The following JAKMIP2 variants were observed in gnomAD, a reference collection of about 807,000 sequenced individuals.
The protein encoded by JAKMIP2 is janus kinase and microtubule-interacting protein 2.
JAKMIP2 carries 25 observed loss-of-function variants against 115.0 expected under a neutral mutation model. That is an observed-to-expected ratio of 0.22 (90% confidence interval 0.16 to 0.30). The LOEUF (loss-of-function observed/expected upper bound fraction) is 0.30. Ranked by LOEUF, JAKMIP2 falls within the 10% of genes least tolerant of loss-of-function variation. The pLI is 1.00. For synonymous variants in JAKMIP2, 334 were observed against 343.6 expected (o/e 0.97, Z 0.31); for missense variants, 642 against 957.6 (o/e 0.67, Z 4.35).
chr5:147,588,371 C>T lies in JAKMIP2; in HGVS notation c.*3336G>A, dbSNP rs1754960181. 6.7e-6 allele frequency: 1 copy of T among 150,342 alleles called. No homozygotes were observed. Among genetic ancestry groups the T allele is most frequent in the African/African-American group, 2.4e-5 (1 of 40,824 alleles). 9.3% of individuals were successfully genotyped at this position (150,342 alleles called of 1,614,324 possible). A position where few individuals can be genotyped will look rare whatever the true frequency, so the allele number is the denominator to read the frequency against. The stretch of plus-strand genomic sequence containing the variant: ...CAAATGCATCTCGGTAGTACAGATG[C>T]AGAAGTGGGGCCACAGGAAATCTCA... On this transcript the variant is annotated 3_prime_UTR_variant, in exon 22 of 22. Coordinates refer to ENST00000616793, the MANE Select transcript of JAKMIP2 (RefSeq NM_001270941.2).
chr5:147,702,219 G>A (rs142259299), intron 1 of JAKMIP2, among the ~76,000 whole-genome samples: 14 of 151,280 alleles, frequency 9.3e-5, no homozygotes, highest in African/African-American at 3.4e-4. Context: ...GCTAACACAA[G>A]GGAAGAACCA....
rs1561547133 is a variant in JAKMIP2 at position 147,702,559 on chromosome 5, A to AGAAAGAAAGAAAGAAG, written c.-148-30606_-148-30605insCTTCTTTCTTTCTTTC. On this transcript the variant is annotated intron_variant, in intron 1 of 21. Transcript: ENST00000616793. ...AGAGAGAGAGACAAAGAAAGAAGAA[A>AGAAAGAAAGAAAGAAG]GAAAGAAAGAAAGAAAGAAGGAAAG... Among the ~76,000 whole-genome samples the AGAAAGAAAGAAAGAAG allele has an allele frequency of 8.1e-4, 97 of 119,048 alleles. 7 individuals carry two copies. Among genetic ancestry groups the AGAAAGAAAGAAAGAAG allele is most frequent in the African/African-American group, 2.8e-3 (86 of 30,546 alleles). 78.1% of individuals were successfully genotyped at this position (119,048 alleles called of 152,430 possible).
At chr5:147,593,538 C>A (rs1363012760) in intron 21 of JAKMIP2, among the ~76,000 whole-genome samples, 2 of 152,196 alleles carry the variant, frequency 1.3e-5, no homozygotes, top group Non-Finnish European at 2.9e-5. Context: ...AGACCCTGAA[C>A]TACAGCTCCA....
intron 1 of JAKMIP2, among the ~76,000 whole-genome samples, chr5:147,746,740 T>C (rs1754359608): frequency 6.6e-6 from 1 of 152,172 alleles, no homozygotes; most frequent in South Asian, 2.1e-4. Context: ...TTTCTAAAAA[T>C]GGTTATTACT....
At chr5:147,692,095 C>T (rs1279608066) in intron 1 of JAKMIP2, among the ~76,000 whole-genome samples, 1 of 151,976 alleles carries the variant, frequency 6.6e-6, no homozygotes, top group African/African-American at 2.4e-5. Flanking sequence ...GGAATGTCAC[C>T]TTACTTGGAA....
intron 12 of JAKMIP2, among the ~76,000 whole-genome samples, chr5:147,633,513 G>T (rs1757465647): frequency 6.6e-6 from 1 of 152,048 alleles, no homozygotes; most frequent in Non-Finnish European, 1.5e-5. Flanking sequence ...ACTTAAATAA[G>T]CTCTAATGTC....
intron 20 of JAKMIP2, among the ~76,000 whole-genome samples, chr5:147,603,540 T>C (rs969315583): frequency 5.3e-5 from 8 of 152,200 alleles, no homozygotes; most frequent in African/African-American, 1.9e-4. Flanking sequence ...ACAGGATCTT[T>C]AGCCTTTTTA....
chr5:147,720,714 A>G (rs1242130489), intron 1 of JAKMIP2, among the ~76,000 whole-genome samples: 2 of 149,596 alleles, frequency 1.3e-5, no homozygotes, highest in African/African-American at 2.4e-5. Context: ...TCCTTTAAGC[A>G]CTTCTCTGTA....
chr5:147,699,218 T>C (rs2126880193), intron 1 of JAKMIP2, among the ~76,000 whole-genome samples: 1 of 152,308 alleles, frequency 6.6e-6, no homozygotes, highest in East Asian at 1.9e-4. Flanking sequence ...AGTTCTGATT[T>C]GGTAGGTTGA....
At chr5:147,685,924 C>A (rs910852572) in intron 1 of JAKMIP2, among the ~76,000 whole-genome samples, 1 of 151,970 alleles carries the variant, frequency 6.6e-6, no homozygotes, top group Non-Finnish European at 1.5e-5. Context: ...TCTGGCATAG[C>A]GCAGGGTGGC....
Position 147,645,803 on chromosome 5 carries a change from A to C in JAKMIP2, c.937-807T>G, listed in dbSNP as rs1025781050. ...GGCTAGATGCCAGTAACACTCTGCT[A>C]ATTGCGACCATCAAAAACATCAGAT... On this transcript the variant is annotated intron_variant, in intron 5 of 21. Coordinates refer to ENST00000616793, the MANE Select transcript of JAKMIP2 (RefSeq NM_001270941.2). 2.0e-5 allele frequency among the ~76,000 whole-genome samples: 3 copies of C among 152,132 alleles called. No individual in the cohort carries two copies. The South Asian group carries it at 6.2e-4, about 32-fold the overall frequency.
chr5:147,673,045 G>C (rs1168359369), intron 1 of JAKMIP2, among the ~76,000 whole-genome samples: 5 of 152,172 alleles, frequency 3.3e-5, no homozygotes, highest in Admixed American at 6.5e-5. Flanking sequence ...CAGTACTTTG[G>C]TGTGGTTATT....
At chr5:147,640,130 G>A (rs970100167) in intron 9 of JAKMIP2, among the ~76,000 whole-genome samples, 1 of 150,900 alleles carries the variant, frequency 6.6e-6, no homozygotes, top group Non-Finnish European at 1.5e-5. Context: ...TTTCTTTTCA[G>A]TATGTTCATC....
intron 3 of JAKMIP2, among the ~76,000 whole-genome samples, chr5:147,651,460 C>A (rs1561515108): frequency 1.3e-5 from 2 of 152,238 alleles, no homozygotes; most frequent in South Asian, 2.1e-4. Flanking sequence ...TTGGGTGAAA[C>A]CTTTCTTATC....
intron 20 of JAKMIP2, among the ~76,000 whole-genome samples, chr5:147,607,223 G>A (rs901742011): frequency 2.6e-5 from 4 of 152,186 alleles, no homozygotes; most frequent in African/African-American, 9.7e-5. Flanking sequence ...GAATAGGAGT[G>A]GTAAGAGACA....
At chr5:147,690,104 T>A (rs147154498) in intron 1 of JAKMIP2, among the ~76,000 whole-genome samples, 2 of 152,198 alleles carry the variant, frequency 1.3e-5, no homozygotes, top group East Asian at 3.9e-4. Context: ...AATCCCAGCA[T>A]TTTTGGAGGC....
chr5:147,606,217 T>C (rs1368914253), intron 20 of JAKMIP2, among the ~76,000 whole-genome samples: 1 of 152,194 alleles, frequency 6.6e-6, no homozygotes, highest in Non-Finnish European at 1.5e-5. Context: ...TTGGATTTTG[T>C]TGCCATTGCT....
chr5:147,705,325 G>A (rs1322302400), intron 1 of JAKMIP2, among the ~76,000 whole-genome samples: 3 of 152,072 alleles, frequency 2.0e-5, no homozygotes, highest in South Asian at 2.1e-4. Flanking sequence ...CAATAAGGCC[G>A]GGTATGGTGG....
chr5:147,649,908 A>C (rs2126744938), intron 4 of JAKMIP2, among the ~76,000 whole-genome samples: 1 of 152,326 alleles, frequency 6.6e-6, no homozygotes, highest in East Asian at 1.9e-4. Context: ...TCTTCAGATG[A>C]AGATTAAAAA....
Sources: allele counts gnomAD v4.1 joint callset (sites outside exome capture counted in the v4.1 genomes callset), GRCh38; gene constraint gnomAD v4.1.1; transcripts MANE v1.5; gene names NCBI Gene and HGNC (gene_info 2026-07-23, HGNC 2026-07-21).